ELP3: variants seen among roughly 807,000 people sequenced by gnomAD.
ELP3 encodes elongator acetyltransferase complex subunit 3, also known as elongator complex protein 3.
In ELP3, 56 loss-of-function variants were observed where a neutral mutation model predicts 74.9. The observed-to-expected ratio is 0.75, with a 90% CI of 0.60 to 0.93. The LOEUF (loss-of-function observed/expected upper bound fraction) is 0.93. Ranked by LOEUF, ELP3 falls within the 40% of genes least tolerant of loss-of-function variation. ELP3 has a pLI of 0.00. For missense variants in ELP3, 573 were observed against 686.5 expected (o/e 0.83, Z 1.85); for synonymous variants, 222 against 239.8 (o/e 0.93, Z 0.68).
intron 7 of ELP3, among the ~76,000 whole-genome samples, chr8:28,116,745 C>T (rs1812154122): frequency 6.6e-6 from 1 of 151,694 alleles, no homozygotes; most frequent in Non-Finnish European, 1.5e-5. Flanking sequence ...TCTCAAAAAA[C>T]AAACAACAAC....
intron 3 of ELP3, 46 bp downstream of exon 3, chr8:28,100,012 C>T (rs2290370): frequency 0.11 from 184,475 of 1,612,186 alleles, 11,997 homozygotes; most frequent in East Asian, 0.3. Flanking sequence ...GGTATCTGTT[C>T]TGGCAGAAGT....
intron 9 of ELP3, 23 bp from the exon 10 acceptor site, chr8:28,137,675 C>T (rs375854954): frequency 1.9e-6 from 3 of 1,605,314 alleles, no homozygotes; most frequent in East Asian, 4.5e-5. Flanking sequence ...ATGGAGAAGT[C>T]ATTTTCTGTT....
intron 14 of ELP3, among the ~76,000 whole-genome samples, chr8:28,171,321 C>T (rs959122339): frequency 1.3e-5 from 2 of 151,424 alleles, no homozygotes; most frequent in East Asian, 3.9e-4. Flanking sequence ...ATTTCAATTT[C>T]TCTACATCTT....
At chr8:28,173,063 T>C (rs757673494) in intron 14 of ELP3, among the ~76,000 whole-genome samples, 1 of 152,072 alleles carries the variant, frequency 6.6e-6, no homozygotes, top group African/African-American at 2.4e-5. Context: ...TTGGCGTCTG[T>C]ATTCTTAAGG....
chr8:28,139,980 CAGG>C (rs774248193), intron 10 of ELP3, among the ~76,000 whole-genome samples: 4 of 152,072 alleles, frequency 2.6e-5, no homozygotes, highest in Non-Finnish European at 5.9e-5. Flanking sequence ...TTAAAGTATA[CAGG>C]AGGATGTGCA....
At chr8:28,149,301 G>A (rs890234984) in intron 10 of ELP3, among the ~76,000 whole-genome samples, 2 of 152,216 alleles carry the variant, frequency 1.3e-5, no homozygotes, top group African/African-American at 4.8e-5. Flanking sequence ...TCTGTCCTCT[G>A]AAAGAGATTG....
chr8:28,164,751 A>T (rs2130563094), intron 14 of ELP3, among the ~76,000 whole-genome samples: 1 of 152,294 alleles, frequency 6.6e-6, no homozygotes, highest in African/African-American at 2.4e-5. Context: ...TCTGAATCAG[A>T]TGCCGGAGAA....
chr8:28,104,160 G>A (rs28402837), intron 3 of ELP3, among the ~76,000 whole-genome samples: 5,578 of 152,184 alleles, frequency 0.037, 380 homozygotes, highest in African/African-American at 0.13. Context: ...CTTCTTTATT[G>A]AGATATCTAG....
At chr8:28,138,592 A>G (rs1421465089) in intron 10 of ELP3, among the ~76,000 whole-genome samples, 1 of 152,200 alleles carries the variant, frequency 6.6e-6, no homozygotes, top group African/African-American at 2.4e-5. Flanking sequence ...AGGTTCCAAT[A>G]TTACAAATGC....
At chr8:28,128,976 G>C (rs1379493062) in intron 7 of ELP3, among the ~76,000 whole-genome samples, 1 of 152,178 alleles carries the variant, frequency 6.6e-6, no homozygotes, top group Non-Finnish European at 1.5e-5. Flanking sequence ...TAGGTGAAAA[G>C]GCTTTTGTGT....
rs915565994 is a variant in ELP3, at chr8:28,189,880, C to T, written c.*155C>T. ...AGACTGGAAACTGCCTTCAAGGCCA[C>T]GGCTGGTCATCTGCTGACCACACCC... is the stretch of plus-strand genomic sequence containing the variant. On this transcript the variant is annotated 3_prime_UTR_variant, in exon 15 of 15. Transcript: ENST00000256398. The T allele has an allele frequency of 1.6e-4, 117 of 739,744 alleles. No individual in the cohort carries two copies. The highest frequency in any genetic ancestry group is 2.2e-4 in the Non-Finnish European group (100 of 455,654). 45.8% of individuals were successfully genotyped at this position (739,744 alleles called of 1,614,324 possible).
At chr8:28,122,697 G>T (rs938634698) in intron 7 of ELP3, among the ~76,000 whole-genome samples, 2 of 152,098 alleles carry the variant, frequency 1.3e-5, no homozygotes, top group Non-Finnish European at 2.9e-5. Context: ...CGAGTTAGGG[G>T]TTTATCAATT....
upstream of ELP3, chr8:28,093,096 C>CGA (rs1811104774): frequency 2.0e-6 from 3 of 1,512,444 alleles, no homozygotes; most frequent in African/African-American, 2.7e-5. Context: ...AAGAGCTTTA[C>CGA]GATACATTGA....
chr8:28,090,263 AAGG>A (rs1186087132), upstream of ELP3: 1 of 395,756 alleles, frequency 2.5e-6, no homozygotes, highest in African/African-American at 2.1e-5. Context: ...TCATCTGTGC[AAGG>A]AGGAGTGGCC....
chr8:28,107,483 G>C (rs10113771), intron 4 of ELP3, among the ~76,000 whole-genome samples: 3,803 of 152,182 alleles, frequency 0.025, 166 homozygotes, highest in African/African-American at 0.085. Flanking sequence ...ATCCTTATAC[G>C]TAACCTTTAG....
intron 6 of ELP3, among the ~76,000 whole-genome samples, chr8:28,111,072 C>T (rs990176819): frequency 6.6e-6 from 1 of 152,104 alleles, no homozygotes; most frequent in African/African-American, 2.4e-5. Flanking sequence ...CAGCAAGAAC[C>T]TGTCTCAAAA....
At position 28,131,124 on chromosome 8, in the gene ELP3, A is replaced by G. The variant is rs114240059; in HGVS notation, c.780-1154A>G. Among the ~76,000 whole-genome samples the G allele has an allele frequency of 9.2e-3, 1,395 of 152,340 alleles. 17 individuals carry two copies. The highest frequency in any genetic ancestry group is 0.032 in the African/African-American group (1,333 of 41,570). ...AGGAAATACTGATGTCCTGGAAAGA[A>G]GTGAATGGTGGTGATTGGTGACTGA... On this transcript the variant is annotated intron_variant, in intron 8 of 14. Transcript: ENST00000256398.
At chr8:28,121,880 A>T (rs752569592) in intron 7 of ELP3, among the ~76,000 whole-genome samples, 1 of 152,206 alleles carries the variant, frequency 6.6e-6, no homozygotes, top group Admixed American at 6.5e-5. Flanking sequence ...AGTGTTAAAC[A>T]GAAGTGGTAA....
At chr8:28,097,920 A>G (rs1179078696) in intron 2 of ELP3, among the ~76,000 whole-genome samples, 1 of 152,210 alleles carries the variant, frequency 6.6e-6, no homozygotes, top group Non-Finnish European at 1.5e-5. Flanking sequence ...AGGGGTAAGT[A>G]ACTAGTAATT....
Sources: gnomAD v4.1 joint callset for allele counts (sites outside exome capture counted in the v4.1 genomes callset) on GRCh38, gnomAD v4.1.1 for gene constraint, MANE v1.5 for transcripts, NCBI Gene and HGNC (gene_info 2026-07-23, HGNC 2026-07-21) for gene names.